Variants in SWT1 observed in about 807,000 individuals in gnomAD.
The protein encoded by SWT1 is transcriptional protein SWT1.
In SWT1, 33 loss-of-function variants were observed where a neutral mutation model predicts 107.3. The observed-to-expected ratio is 0.31, with a 90% CI of 0.23 to 0.41. The LOEUF (loss-of-function observed/expected upper bound fraction) is 0.41. Ranked by LOEUF, SWT1 falls within the 10% of genes least tolerant of loss-of-function variation. The pLI, the probability that SWT1 is intolerant of heterozygous loss-of-function variation, is 1.00. For synonymous variants in SWT1, 345 were observed against 348.3 expected (o/e 0.99, Z 0.11); for missense variants, 898 against 1,028.9 (o/e 0.87, Z 1.74).
intron 5 of SWT1, among the ~76,000 whole-genome samples, chr1:185,179,398 G>T (rs528229604): frequency 7.9e-5 from 12 of 152,348 alleles, no homozygotes; most frequent in African/African-American, 2.6e-4. Flanking sequence ...TGAGCTTCCT[G>T]TCACCTGTAT....
chr1:185,164,026 TTAAAG>T (rs1384990698), intron 2 of SWT1, among the ~76,000 whole-genome samples: 4 of 152,216 alleles, frequency 2.6e-5, no homozygotes, highest in Non-Finnish European at 5.9e-5. Flanking sequence ...GGTGTGAAAG[TTAAAG>T]TTAGACTCCT....
At chr1:185,206,542 AT>A in intron 12 of SWT1, 82 bp from the exon 13 acceptor site, 3 of 769,934 alleles carry the variant, frequency 3.9e-6, no homozygotes, top group Non-Finnish European at 5.7e-6. Context: ...CTCAAAATAT[AT>A]GTAGGAATTC....
chr1:185,234,072 T>A (rs750131627), intron 16 of SWT1, among the ~76,000 whole-genome samples: 47 of 152,184 alleles, frequency 3.1e-4, no homozygotes, highest in Non-Finnish European at 5.3e-4. Flanking sequence ...AGTGTGGTGC[T>A]GAGAAGAATG....
chr1:185,204,320 C>A (rs572598686), intron 11 of SWT1, among the ~76,000 whole-genome samples: 2 of 151,700 alleles, frequency 1.3e-5, no homozygotes, highest in East Asian at 1.9e-4. Context: ...TGGAAAAAAA[C>A]CCATTTTGAT....
At chr1:185,243,694 T>C (rs909066220) in intron 16 of SWT1, among the ~76,000 whole-genome samples, 3 of 152,206 alleles carry the variant, frequency 2.0e-5, no homozygotes, top group African/African-American at 7.2e-5. Flanking sequence ...AATCAACATA[T>C]ACACTTTCTC....
rs1048013359 is a variant in SWT1 at position 185,291,458 on chromosome 1, T to A, written c.*655T>A. ...CAGGGCGACCCCTCTGCTGGGTTTC[T>A]CCTTAAATGTGAAGCAAAATAAATT... On this transcript the variant is annotated 3_prime_UTR_variant, in exon 19 of 19. Transcript: ENST00000367500. The A allele has an allele frequency of 6.6e-6, 1 of 152,626 alleles. No homozygotes were observed. Among genetic ancestry groups the A allele is most frequent in the Non-Finnish European group, 1.5e-5 (1 of 68,040 alleles). 9.5% of individuals were successfully genotyped at this position (152,626 alleles called of 1,614,324 possible).
intron 16 of SWT1, 84 bp downstream of exon 16, chr1:185,231,792 A>C (rs1660525291): frequency 1.9e-6 from 2 of 1,066,656 alleles, no homozygotes; most frequent in African/African-American, 3.2e-5. Context: ...CAGAGTTGCT[A>C]GGAGTCACAT....
intron 15 of SWT1, among the ~76,000 whole-genome samples, chr1:185,227,937 A>G (rs1182124421): frequency 6.6e-6 from 1 of 151,426 alleles, no homozygotes; most frequent in African/African-American, 2.4e-5. Flanking sequence ...AAAAAAAATT[A>G]AAAATTAGCT....
chr1:185,236,031 C>G (rs987281241), intron 16 of SWT1, among the ~76,000 whole-genome samples: 7 of 152,092 alleles, frequency 4.6e-5, no homozygotes, highest in Non-Finnish European at 2.9e-5. Context: ...CAAACCACTG[C>G]TCAAAGAAAT....
At chr1:185,221,238 C>A (rs779916871) in intron 14 of SWT1, among the ~76,000 whole-genome samples, 42 of 152,160 alleles carry the variant, frequency 2.8e-4, no homozygotes, top group Non-Finnish European at 1.2e-4. Context: ...TTTTTCTTTT[C>A]ATTCTGCTGC....
At chr1:185,248,654 A>G (rs1000716103) in intron 16 of SWT1, among the ~76,000 whole-genome samples, 1 of 151,938 alleles carries the variant, frequency 6.6e-6, no homozygotes, top group Admixed American at 6.6e-5. Flanking sequence ...ATCAATGGAG[A>G]TACTAATCTC....
At chr1:185,181,816 T>C in intron 6 of SWT1, 130 bp from the exon 7 acceptor site, 1 of 892,130 alleles carries the variant, frequency 1.1e-6, no homozygotes. Context: ...ACTATGCTCC[T>C]TCAGAGTTTT....
chr1:185,200,735 C>G (rs189825501), intron 10 of SWT1, among the ~76,000 whole-genome samples: 15 of 152,320 alleles, frequency 9.8e-5, no homozygotes, highest in East Asian at 7.7e-4. Flanking sequence ...GTTCAAGGAC[C>G]CACTTGAGGA....
At chr1:185,262,007 G>A (rs75175071) in intron 16 of SWT1, among the ~76,000 whole-genome samples, 2,866 of 152,190 alleles carry the variant, frequency 0.019, 79 homozygotes, top group African/African-American at 0.066. Flanking sequence ...TAAATGGTGG[G>A]AGGATACGAT....
rs1665066805 is a variant in SWT1 at position 185,288,364 on chromosome 1, C to T, written c.2574-2310C>T. ...GAGTTGCTAGGATTACAGATGTGAGCCACCCAAAAGTCAGGCTTTAATCAG... is the reference window on the plus strand; with the variant it reads ...GAGTTGCTAGGATTACAGATGTGAGTCACCCAAAAGTCAGGCTTTAATCAG... On this transcript the variant is annotated intron_variant, in intron 18 of 18. Transcript: ENST00000367500. Among the ~76,000 whole-genome samples, 3 of 152,220 alleles carry T rather than the reference C, an allele frequency of 2.0e-5. No homozygotes were observed. In the South Asian group the frequency reaches 6.2e-4, roughly 32 times the overall value.
Position 185,174,393 on chromosome 1 carries a change from T to C in SWT1, c.246T>C (p.Thr82=). The change falls in exon 5 of 19, where the codon ACT becomes ACC. Residue 82 remains threonine, a synonymous_variant. Coordinates refer to ENST00000367500, the MANE Select transcript of SWT1 (RefSeq NM_017673.7). ...GLKRLSVEID[T]LRRRPKIGSS... is the part of the protein sequence containing the mutation. ...ACAGATTGAGTGTAGAAATTGACAC[T>C]CTCAGAAGGAGACCAAAAATCGGTT... The C allele has an allele frequency of 1.3e-6, 2 of 1,556,414 alleles. No individual in the cohort carries two copies. The highest frequency in any genetic ancestry group is 1.7e-6 in the Non-Finnish European group (2 of 1,158,534).
At chr1:185,186,227 A>C (rs997016581) in intron 9 of SWT1, among the ~76,000 whole-genome samples, 1 of 152,174 alleles carries the variant, frequency 6.6e-6, no homozygotes, top group Non-Finnish European at 1.5e-5. Context: ...GATAAGACTC[A>C]TCTATCTTTT....
chr1:185,160,073 G>A (rs1654011123), intron 1 of SWT1, among the ~76,000 whole-genome samples: 2 of 152,210 alleles, frequency 1.3e-5, no homozygotes, highest in South Asian at 4.2e-4. Flanking sequence ...CCTGTGGGAT[G>A]GGTTATCTAT....
At chr1:185,192,751 G>A (rs1657064235) in intron 10 of SWT1, among the ~76,000 whole-genome samples, 1 of 151,382 alleles carries the variant, frequency 6.6e-6, no homozygotes, top group South Asian at 2.1e-4. Flanking sequence ...GGGTTCAAGC[G>A]ATTCTCCTGT....
Sources: gnomAD v4.1 joint callset for allele counts (sites outside exome capture counted in the v4.1 genomes callset) on GRCh38, gnomAD v4.1.1 for gene constraint, MANE v1.5 for transcripts, NCBI Gene and HGNC (gene_info 2026-07-23, HGNC 2026-07-21) for gene names.